The following PCLO variants were observed in gnomAD, a reference collection of about 807,000 sequenced individuals.
The protein encoded by PCLO is piccolo presynaptic cytomatrix protein.
A neutral mutation model predicts 427.5 loss-of-function variants in PCLO; 82 were observed. That is an observed-to-expected ratio of 0.19 (90% CI 0.16 to 0.23). The LOEUF (loss-of-function observed/expected upper bound fraction) is 0.23. PCLO is among the 10% of genes least tolerant of loss of function. The pLI, the probability that PCLO is intolerant of heterozygous loss-of-function variation, is 1.00. For missense variants in PCLO, 6,239 were observed against 6,115.9 expected, an observed-to-expected ratio of 1.02 and a Z score of -0.67; for synonymous variants, 2,357 against 2,155.4, an observed-to-expected ratio of 1.09 and a Z score of -2.59.
intron 3 of PCLO, among the ~76,000 whole-genome samples, chr7:83,095,958 T>G (rs371732172): frequency 6.6e-6 from 1 of 152,068 alleles, no homozygotes; most frequent in Admixed American, 6.6e-5. Context: ...AACTTACAAA[T>G]AATTTTTTTC....
Position 82,914,947 on chromosome 7 carries a change from T to C in PCLO, c.13039A>G (p.Ser4347Gly), listed in dbSNP as rs1278527022. The C allele has an allele frequency of 1.2e-6, 2 of 1,613,702 alleles. No homozygotes were observed. The highest frequency in any genetic ancestry group is 1.7e-6 in the Non-Finnish European group (2 of 1,179,730). ...TKPTSLPISQ[S>G]RGRIPIVAQN... is the part of the protein sequence containing the mutation. Reference sequence around the variant, plus strand: ...GCCACAATTGGTATTCTTCCTCTACTTTGACTAATTGGCAAACTGGTCGGC... The same window carrying C: ...GCCACAATTGGTATTCTTCCTCTACCTTGACTAATTGGCAAACTGGTCGGC... The change falls in exon 7 of 25, where the codon AGT (serine) becomes GGT (glycine). Residue 4347 changes from serine (S) to glycine (G), a missense_variant. Ser to Gly is a moderately conservative substitution (Grantham distance 56). Coordinates refer to ENST00000333891, the MANE Select transcript of PCLO (RefSeq NM_033026.6).
At chr7:82,846,275 A>G (rs1323304245) in intron 12 of PCLO, among the ~76,000 whole-genome samples, 1 of 152,190 alleles carries the variant, frequency 6.6e-6, no homozygotes, top group Non-Finnish European at 1.5e-5. Flanking sequence ...CACAGGATGA[A>G]TTCATATTTA....
intron 9 of PCLO, among the ~76,000 whole-genome samples, chr7:82,897,720 T>C (rs1318561792): frequency 2.6e-5 from 4 of 151,482 alleles, no homozygotes; most frequent in Non-Finnish European, 5.9e-5. Context: ...GAGTAAACAT[T>C]TAAAAATGCA....
chr7:82,960,835 T>C lies in PCLO; in HGVS notation c.4018-3900A>G, dbSNP rs143277775. 5.6e-3 allele frequency among the ~76,000 whole-genome samples: 849 copies of C among 152,284 alleles called. 7 individuals are homozygous for C. Among genetic ancestry groups the C allele is most frequent in the Non-Finnish European group, 9.5e-3 (646 of 68,006 alleles). On this transcript the variant is annotated intron_variant, in intron 4 of 24. Coordinates refer to ENST00000333891, the MANE Select transcript of PCLO (RefSeq NM_033026.6). ...CATATATAAATAGAGTAAAATATTATACCAAGTGTTTGGTATAGCAGTGAG... is the reference window on the plus strand; with the variant it reads ...CATATATAAATAGAGTAAAATATTACACCAAGTGTTTGGTATAGCAGTGAG...
intron 9 of PCLO, among the ~76,000 whole-genome samples, chr7:82,891,089 C>T (rs1487313411): frequency 1.3e-5 from 2 of 151,930 alleles, no homozygotes; most frequent in African/African-American, 4.8e-5. Context: ...TGACAGAGGG[C>T]TTATTGCTGT....
chr7:82,834,663 T>C (rs1792181163), intron 16 of PCLO, among the ~76,000 whole-genome samples: 1 of 151,620 alleles, frequency 6.6e-6, no homozygotes, highest in African/African-American at 2.4e-5. Flanking sequence ...ATGACACATT[T>C]AATTTATAAT....
chr7:82,781,428 C>T lies in PCLO; in HGVS notation c.15008-19935G>A, dbSNP rs115002118. Among the ~76,000 whole-genome samples the T allele has an allele frequency of 2.7e-3, 410 of 151,836 alleles. 2 individuals are homozygous for T. The highest frequency in any genetic ancestry group is 9.7e-3 in the African/African-American group (402 of 41,348). On this transcript the variant is annotated intron_variant, in intron 22 of 24. Transcript: ENST00000333891. ...TGGTTTGCTGCAACTATTTACCCGT[C>T]CTTTAAGTTGCCTCCCTTTGCCCCC...
chr7:83,087,128 G>A (rs541018298), intron 3 of PCLO, among the ~76,000 whole-genome samples: 134 of 151,272 alleles, frequency 8.9e-4, no homozygotes, highest in Non-Finnish European at 1.6e-3. Context: ...TGTAAATGAC[G>A]AGTTAATAGG....
At chr7:82,968,609 GC>G (rs1795832148) in intron 3 of PCLO, among the ~76,000 whole-genome samples, 1 of 144,254 alleles carries the variant, frequency 6.9e-6, no homozygotes, top group Non-Finnish European at 1.5e-5. Flanking sequence ...AATCTCTGCC[GC>G]CCGGGTTCAA....
At chr7:83,150,976 GT>G (rs2116670685) in intron 2 of PCLO, among the ~76,000 whole-genome samples, 1 of 152,240 alleles carries the variant, frequency 6.6e-6, no homozygotes, top group South Asian at 2.1e-4. Flanking sequence ...AAGTTATGGT[GT>G]TTTACACCAC....
At position 82,932,520 on chromosome 7, in the gene PCLO, C is replaced by A. The variant is rs542912638; in HGVS notation, c.11113-15647G>T. 2.0e-5 allele frequency among the ~76,000 whole-genome samples: 3 copies of A among 151,966 alleles called. No homozygotes were observed. The East Asian group carries it at 5.8e-4, about 29-fold the overall frequency. ...AATGTTTACATGTTATTGCCATGTA[C>A]GATTTATGAGTTAAATAATTTTCAG... On this transcript the variant is annotated intron_variant, in intron 6 of 24. Coordinates refer to ENST00000333891, the MANE Select transcript of PCLO (RefSeq NM_033026.6).
chr7:83,152,199 C>T (rs1190059211), intron 2 of PCLO, among the ~76,000 whole-genome samples: 1 of 151,682 alleles, frequency 6.6e-6, no homozygotes, highest in Non-Finnish European at 1.5e-5. Context: ...CTCCTGACCT[C>T]GTGATCTGCC....
chr7:83,091,724 T>C (rs764779835), intron 3 of PCLO, among the ~76,000 whole-genome samples: 59 of 152,282 alleles, frequency 3.9e-4, no homozygotes, highest in East Asian at 5.8e-4. Flanking sequence ...AGGCCAGAGT[T>C]TGCAAGAAAA....
At chr7:83,162,063 C>T (rs1011186393) in intron 1 of PCLO, among the ~76,000 whole-genome samples, 1 of 152,214 alleles carries the variant, frequency 6.6e-6, no homozygotes, top group African/African-American at 2.4e-5. Flanking sequence ...CGTCTCTCCA[C>T]GCCATCCTAG....
chr7:83,014,765 CA>C (rs1433615628), intron 3 of PCLO, among the ~76,000 whole-genome samples: 1 of 152,060 alleles, frequency 6.6e-6, no homozygotes, highest in Non-Finnish European at 1.5e-5. Context: ...AGCAGACAGT[CA>C]AATTATGTAA....
chr7:82,897,060 TTC>T (rs1372213114), intron 9 of PCLO, among the ~76,000 whole-genome samples: 1 of 151,650 alleles, frequency 6.6e-6, no homozygotes, highest in Non-Finnish European at 1.5e-5. Context: ...TCACATTTTG[TTC>T]TTTTTTTTCT....
chr7:82,816,501 T>C (rs1474968452), intron 20 of PCLO, among the ~76,000 whole-genome samples: 4 of 152,118 alleles, frequency 2.6e-5, no homozygotes, highest in African/African-American at 9.7e-5. Flanking sequence ...TGGTGGTAAT[T>C]TGATGAACTA....
chr7:82,823,281 TATG>T (rs1287448607), intron 19 of PCLO, among the ~76,000 whole-genome samples: 1 of 152,186 alleles, frequency 6.6e-6, no homozygotes, highest in Admixed American at 6.6e-5. Context: ...GTCAGCAGTT[TATG>T]ATATCAACTC....
rs185889359 is a variant in PCLO at position 82,790,536 on chromosome 7, T to A, written c.15007+10982A>T. ...ATTTCAAGAACTATTTAAAAAAATA[T>A]TCCTGCCAGGAAGGCTTTTCTTATC... On this transcript the variant is annotated intron_variant, in intron 22 of 24. Coordinates refer to ENST00000333891, the MANE Select transcript of PCLO (RefSeq NM_033026.6). Among the ~76,000 whole-genome samples, 142 of 152,334 alleles carry A rather than the reference T, an allele frequency of 9.3e-4. 1 individual carries two copies. The highest frequency in any genetic ancestry group is 3.3e-3 in the African/African-American group (139 of 41,578).
Sources: allele counts gnomAD v4.1 joint callset (sites outside exome capture counted in the v4.1 genomes callset), GRCh38; gene constraint gnomAD v4.1.1; transcripts MANE v1.5; gene names NCBI Gene and HGNC (gene_info 2026-07-23, HGNC 2026-07-21).